PYCR3: variants seen among roughly 807,000 people sequenced by gnomAD.
PYCR3 encodes P5C reductase 3.
In PYCR3, 26 loss-of-function variants were observed where a neutral mutation model predicts 23.4. The ratio of observed to expected loss-of-function variants is 1.11; its 90% CI spans 0.81 to 1.54. The LOEUF (loss-of-function observed/expected upper bound fraction) is 1.54. Among genes scored for constraint, PYCR3 ranks in the 40% most tolerant of loss-of-function variants. The pLI, the probability that PYCR3 is intolerant of heterozygous loss-of-function variation, is 0.00. For missense variants in PYCR3, 360 were observed against 376.3 expected, an observed-to-expected ratio of 0.96 and a Z score of 0.36; for synonymous variants, 194 against 162.6, an observed-to-expected ratio of 1.19 and a Z score of -1.47.
rs552855148 is a variant in PYCR3, at chr8:143,604,471, G to A, written c.*1229C>T. On this transcript the variant is annotated 3_prime_UTR_variant, in exon 6 of 6. Transcript: ENST00000495276. ...AGCGTGCTGCTGTCCTGCAGGTGCCGTTAGCCCTGTTTTGCACTGGTGGAT... is the reference window on the plus strand; with the variant it reads ...AGCGTGCTGCTGTCCTGCAGGTGCCATTAGCCCTGTTTTGCACTGGTGGAT... 6.6e-5 allele frequency: 14 copies of A among 212,478 alleles called. No homozygotes were observed. The highest frequency in any genetic ancestry group is 1.7e-4 in the African/African-American group (7 of 42,172). The allele number at this position is 212,478 out of a possible 1,614,324, so 13.2% of individuals were successfully genotyped here. A position where few individuals can be genotyped will look rare whatever the true frequency, so the allele number is the denominator to read the frequency against.
At position 143,603,949 on chromosome 8, in the gene PYCR3, C is replaced by G. The variant is rs1829320809; in HGVS notation, c.*1751G>C. ...TCTTGCTGTCACCCAGGCTGGAGTG[C>G]AGTGGCATGATCTTGGCTCTCTGCA... On this transcript the variant is annotated 3_prime_UTR_variant, in exon 6 of 6. Coordinates refer to ENST00000495276, the MANE Select transcript of PYCR3 (RefSeq NM_023078.6). 6.6e-6 allele frequency: 1 copy of G among 151,636 alleles called. No individual in the cohort carries two copies. Among genetic ancestry groups the G allele is most frequent in the Non-Finnish European group, 1.5e-5 (1 of 67,918 alleles). 9.4% of individuals were successfully genotyped at this position (151,636 alleles called of 1,614,324 possible). A position where few individuals can be genotyped will look rare whatever the true frequency, so the allele number is the denominator to read the frequency against.
rs1386260531 is a variant in PYCR3, at chr8:143,609,564, G to T, written c.-16C>A. On this transcript the variant is annotated 5_prime_UTR_variant, in exon 1 of 6. Coordinates refer to ENST00000495276, the MANE Select transcript of PYCR3 (RefSeq NM_023078.6). ...CAGCTGCCATCTTGTTGCCTCGGACGCCGCTGCGCTCACCGCCCATCCACA... is the reference window on the plus strand; with the variant it reads ...CAGCTGCCATCTTGTTGCCTCGGACTCCGCTGCGCTCACCGCCCATCCACA... The T allele has an allele frequency of 5.4e-6, 8 of 1,486,616 alleles. No individual in the cohort carries two copies. The highest frequency in any genetic ancestry group is 1.3e-5 in the South Asian group (1 of 78,330). 92.1% of individuals were successfully genotyped at this position (1,486,616 alleles called of 1,614,324 possible).
rs543817141 is a variant in PYCR3 at position 143,609,406 on chromosome 8, C to T, written c.91+52G>A. ...CCCCACTCTCGCGGCAGGACACCTC[C>T]CACGGGGCTGCTCCCACTCCAGACC... On this transcript the variant is annotated intron_variant, in intron 1 of 5. Transcript: ENST00000495276. 45 of 1,434,898 alleles carry T rather than the reference C, an allele frequency of 3.1e-5. No individual in the cohort carries two copies. The South Asian group carries it at 5.9e-4, about 19-fold the overall frequency. 88.9% of individuals were successfully genotyped at this position (1,434,898 alleles called of 1,614,324 possible).
chr8:143,608,829 TA>T, intron 1 of PYCR3: 1 of 456,646 alleles, frequency 2.2e-6, no homozygotes, highest in South Asian at 1.5e-5. Flanking sequence ...AGACTCATAG[TA>T]AGCTATTTCC....
intron 5 of PYCR3, 22 bp downstream of exon 5, chr8:143,606,040 C>A (rs928873665): frequency 1.2e-5 from 19 of 1,598,962 alleles, no homozygotes; most frequent in Non-Finnish European, 1.5e-5. Context: ...CCCGATGTTC[C>A]CCAGGGGCCA....
rs145277771 is a variant in PYCR3 at position 143,606,660 on chromosome 8, C to T, written c.356G>A (p.Arg119Gln). 466 of 1,598,864 alleles carry T rather than the reference C, an allele frequency of 2.9e-4. 1 individual carries two copies. The highest frequency in any genetic ancestry group is 3.6e-4 in the Non-Finnish European group (422 of 1,173,974). ...TLEELLPPNT[R>Q]VLRVLPNLPC... is the part of the protein sequence containing the mutation. ...CAGGTTGGGCAAGACCCGCAGCACCCGTGTGTTTGGGGGCAGCAGCTGGCC... is the reference window on the plus strand; with the variant it reads ...CAGGTTGGGCAAGACCCGCAGCACCTGTGTGTTTGGGGGCAGCAGCTGGCC... The change falls in exon 4 of 6, where the codon CGG becomes CAG. Residue 119 changes from arginine to glutamine, a missense_variant. Transcript: ENST00000495276.
At position 143,609,569 on chromosome 8, in the gene PYCR3, T is replaced by G. The variant is rs4559251; in HGVS notation, c.-21A>C. 2,122 of 1,483,096 alleles carry G rather than the reference T, an allele frequency of 1.4e-3. 28 individuals carry two copies. In the African/African-American group the frequency reaches 0.026, roughly 18 times the overall value. The allele number at this position is 1,483,096 out of a possible 1,614,324, so 91.9% of individuals were successfully genotyped here. A position where few individuals can be genotyped will look rare whatever the true frequency, so the allele number is the denominator to read the frequency against. ...GCCATCTTGTTGCCTCGGACGCCGCTGCGCTCACCGCCCATCCACAGGCCG... is the reference window on the plus strand; with the variant it reads ...GCCATCTTGTTGCCTCGGACGCCGCGGCGCTCACCGCCCATCCACAGGCCG... On this transcript the variant is annotated 5_prime_UTR_variant, in exon 1 of 6. Coordinates refer to ENST00000495276, the MANE Select transcript of PYCR3 (RefSeq NM_023078.6).
chr8:143,606,765 C>A, intron 3 of PYCR3, 86 bp from the exon 4 acceptor site: 1 of 1,406,894 alleles, frequency 7.1e-7, no homozygotes. Context: ...GAAAGGTCCA[C>A]GTCAGCTCGC....
chr8:143,605,954 C>T, intron 5 of PYCR3, 72 bp from the exon 6 acceptor site: 1 of 1,563,866 alleles, frequency 6.4e-7, no homozygotes, highest in African/African-American at 1.3e-5. Flanking sequence ...GCCCTCGTTG[C>T]ATCCCCCAAC....
Position 143,604,772 on chromosome 8 carries a change from G to A in PYCR3, c.*928C>T. 1 of 413,456 alleles carries A rather than the reference G, an allele frequency of 2.4e-6. No individual in the cohort carries two copies. The highest frequency in any genetic ancestry group is 4.8e-6 in the Non-Finnish European group (1 of 209,554). The allele number at this position is 413,456 out of a possible 1,614,324, so 25.6% of individuals were successfully genotyped here. On this transcript the variant is annotated 3_prime_UTR_variant, in exon 6 of 6. Coordinates refer to ENST00000495276, the MANE Select transcript of PYCR3 (RefSeq NM_023078.6). ...CCCTGAGTCCTGGCTTTCCTGACCT[G>A]CCGTCCGTTAGGGACAGGTGGAGGG...
chr8:143,605,554 A>G lies in PYCR3; in HGVS notation c.*146T>C. ...CTCCCCCGCCTGCTGGAACCTCCCAAGTCCTGCCCCCTGCATTTCCCTGTG... is the reference window on the plus strand; with the variant it reads ...CTCCCCCGCCTGCTGGAACCTCCCAGGTCCTGCCCCCTGCATTTCCCTGTG... On this transcript the variant is annotated 3_prime_UTR_variant, in exon 6 of 6. Coordinates refer to ENST00000495276, the MANE Select transcript of PYCR3 (RefSeq NM_023078.6). 1.3e-6 allele frequency: 1 copy of G among 780,588 alleles called. No individual in the cohort carries two copies. Among genetic ancestry groups the G allele is most frequent in the Non-Finnish European group, 2.0e-6 (1 of 504,384 alleles). 48.4% of individuals were successfully genotyped at this position (780,588 alleles called of 1,614,324 possible). A position where few individuals can be genotyped will look rare whatever the true frequency, so the allele number is the denominator to read the frequency against.
rs758508834 is a variant in PYCR3, at chr8:143,605,800, A to G, written c.725T>C (p.Ile242Thr). The G allele has an allele frequency of 5.0e-6, 8 of 1,612,154 alleles. No individual in the cohort carries two copies. Among genetic ancestry groups the G allele is most frequent in the South Asian group, 1.1e-5 (1 of 91,066 alleles). Reference protein sequence around the residue: ...SDVCTPGGTTIYGLHALEQGG... With the variant: ...SDVCTPGGTTTYGLHALEQGG... Reference sequence around the variant, plus strand: ...CTGCTCCAGGGCGTGGAGTCCATAGATGGTGGTGCCACCCGGGGTGCACAC... The same window carrying G: ...CTGCTCCAGGGCGTGGAGTCCATAGGTGGTGGTGCCACCCGGGGTGCACAC... The change falls in exon 6 of 6, where the codon ATC becomes ACC. Residue 242 changes from isoleucine (I) to threonine (T), a missense_variant. Transcript: ENST00000495276.
intron 1 of PYCR3, among the ~76,000 whole-genome samples, chr8:143,608,609 C>A (rs1385106108): frequency 6.6e-6 from 1 of 152,134 alleles, no homozygotes; most frequent in Non-Finnish European, 1.5e-5. Flanking sequence ...CTGCTTTTGT[C>A]GGGTACGGGG....
At chr8:143,606,229 C>A in intron 4 of PYCR3, 75 bp from the exon 5 acceptor site, 1 of 1,432,644 alleles carries the variant, frequency 7.0e-7, no homozygotes, top group Non-Finnish European at 9.6e-7. Flanking sequence ...GAACAATGCC[C>A]AGAGCAGTAG....
Position 143,607,070 on chromosome 8 carries a change from G to T in PYCR3, c.219C>A (p.Ile73=). 1 of 1,612,774 alleles carries T rather than the reference G, an allele frequency of 6.2e-7. No homozygotes were observed. The highest frequency in any genetic ancestry group is 8.5e-7 in the Non-Finnish European group (1 of 1,179,746). The change falls in exon 3 of 6, where the codon ATC becomes ATA. Residue 73 remains isoleucine (I), a synonymous_variant. Transcript: ENST00000495276. ...GCAGCACATGAGGCTTGGTGGCAAA[G>T]ATGACGAGCAGGCAGCTCTGCAGCA... ...QEVLQSCLLV[I]FATKPHVLPA... is the part of the protein sequence containing the mutation.
chr8:143,608,685 A>C (rs1340351043), intron 1 of PYCR3: 2 of 375,128 alleles, frequency 5.3e-6, no homozygotes, highest in Non-Finnish European at 1.1e-5. Flanking sequence ...CACAACCTGA[A>C]CACAGCAATT....
chr8:143,607,126 CCA>C lies in PYCR3; in HGVS notation c.161_162del (p.Leu54ArgfsTer41). On this transcript the variant is annotated frameshift_variant, in exon 3 of 6. Transcript: ENST00000495276. LOFTEE classifies it high-confidence loss of function. ...TGGTTGGAGTGCGTGGTCCGGCAAC[CCA>C]GAGCCTGCGCCAGGGACACCAGGAC... is the stretch of plus-strand genomic sequence containing the variant. Reference protein sequence around the residue: ...TDRNLCHFQALGCRTTHSNQE... With the variant: ...TDRNLCHFQAXGCRTTHSNQE... 6.4e-7 allele frequency: 1 copy of C among 1,574,506 alleles called. No homozygotes were observed. The highest frequency in any genetic ancestry group is 1.1e-5 in the South Asian group (1 of 87,128).
At chr8:143,607,218 A>G in intron 2 of PYCR3, 86 bp from the exon 3 acceptor site, 1 of 1,300,016 alleles carries the variant, frequency 7.7e-7, no homozygotes, top group Non-Finnish European at 1.0e-6. Flanking sequence ...TGGATGCCAC[A>G]CGTTCCCATG....
At chr8:143,607,672 TCATA>T (rs1829440737) in intron 2 of PYCR3, among the ~76,000 whole-genome samples, 1 of 151,626 alleles carries the variant, frequency 6.6e-6, no homozygotes, top group Non-Finnish European at 1.5e-5. Context: ...GAGCATGCAC[TCATA>T]CACACACGCA....
Sources: gnomAD v4.1 joint callset for allele counts (sites outside exome capture counted in the v4.1 genomes callset) on GRCh38, gnomAD v4.1.1 for gene constraint, MANE v1.5 for transcripts, NCBI Gene and HGNC (gene_info 2026-07-23, HGNC 2026-07-21) for gene names.